ASIP: variants seen among roughly 807,000 people sequenced by gnomAD.
ASIP encodes the protein agouti signaling protein.
A neutral mutation model predicts 10.3 loss-of-function variants in ASIP; 11 were observed. The ratio of observed to expected loss-of-function variants is 1.07; its 90% CI spans 0.68 to 1.78. The LOEUF is 1.78. ASIP is among the 40% of genes most tolerant of loss of function. The pLI is 0.00. For missense variants in ASIP, 180 were observed against 169.2 expected, an observed-to-expected ratio of 1.06 and a Z score of -0.35; for synonymous variants, 70 against 70.8, an observed-to-expected ratio of 0.99 and a Z score of 0.06.
intron 1 of ASIP, among the ~76,000 whole-genome samples, chr20:34,205,191 G>A (rs1290575872): frequency 4.6e-5 from 7 of 152,112 alleles, no homozygotes; most frequent in African/African-American, 7.2e-5. Flanking sequence ...AGATGTGTCC[G>A]GAGTTTCTTC....
In ASIP at chr20:34,258,685, A is replaced by ATATATATATATATATATATG. The variant is rs1336922136; in HGVS notation, c.-10-1674_-10-1673insTATATATATATATGTATATA. ...TAGAAGGGGGATGCCATATATATAT[A>ATATATATATATATATATATG]TATATACATACTATATATATATATT... On this transcript the variant is annotated intron_variant, in intron 1 of 3. Transcript: ENST00000374954. Among the ~76,000 whole-genome samples, 179 of 74,464 alleles carry ATATATATATATATATATATG rather than the reference A, an allele frequency of 2.4e-3. 18 individuals are homozygous for ATATATATATATATATATATG. The highest frequency in any genetic ancestry group is 0.015 in the African/African-American group (170 of 11,580). 48.9% of individuals were successfully genotyped at this position (74,464 alleles called of 152,430 possible). A position where few individuals can be genotyped will look rare whatever the true frequency, so the allele number is the denominator to read the frequency against.
At chr20:34,189,332 T>C in the ASIP span, among the ~76,000 whole-genome samples, 2 of 152,116 alleles carry the variant, frequency 1.3e-5, no homozygotes, top group South Asian at 4.2e-4. Context: ...AACCTCTACC[T>C]CCCGGGTTCA....
At chr20:34,207,983 G>T (rs2122545720) in intron 1 of ASIP, among the ~76,000 whole-genome samples, 1 of 151,950 alleles carries the variant, frequency 6.6e-6, no homozygotes, top group Admixed American at 6.5e-5. Flanking sequence ...TAGAGACCGG[G>T]TTTCACCATG....
Position 34,215,256 on chromosome 20 carries a change from A to G in ASIP, c.-11+20496A>G, listed in dbSNP as rs2034999907. On this transcript the variant is annotated intron_variant, in intron 1 of 3. Transcript: ENST00000568305. ...AAAGGGATAAGTCAATCCAAGAGACATAAGCCCCAACTACTTCAAGGCACT... is the reference window on the plus strand; with the variant it reads ...AAAGGGATAAGTCAATCCAAGAGACGTAAGCCCCAACTACTTCAAGGCACT... The G allele has an allele frequency of 6.4e-6, 10 of 1,554,552 alleles. No individual in the cohort carries two copies. The East Asian group carries it at 6.7e-5, about 10-fold the overall frequency.
chr20:34,212,076 C>T (rs1488114127), intron 1 of ASIP, among the ~76,000 whole-genome samples: 1 of 152,042 alleles, frequency 6.6e-6, no homozygotes, highest in Non-Finnish European at 1.5e-5. Flanking sequence ...TATTTTTCAT[C>T]ATTTTGTAAC....
At chr20:34,214,990 G>A in intron 1 of ASIP, 1 of 1,417,062 alleles carries the variant, frequency 7.1e-7, no homozygotes. Flanking sequence ...TACCGGCTTA[G>A]AAAATCTGGC....
At chr20:34,216,882 A>G (rs1312218300) in intron 1 of ASIP, among the ~76,000 whole-genome samples, 1 of 152,108 alleles carries the variant, frequency 6.6e-6, no homozygotes, top group Non-Finnish European at 1.5e-5. Flanking sequence ...GGTCCTTTGC[A>G]TTTCCATATA....
At chr20:34,222,052 G>A (rs1251557087) in intron 1 of ASIP, among the ~76,000 whole-genome samples, 2 of 152,154 alleles carry the variant, frequency 1.3e-5, no homozygotes, top group Admixed American at 6.5e-5. Context: ...AGAGGCTGCA[G>A]TGAGCCATAA....
chr20:34,196,347 G>GT (rs1164253441), intron 1 of ASIP, among the ~76,000 whole-genome samples: 3 of 151,748 alleles, frequency 2.0e-5, no homozygotes, highest in African/African-American at 7.3e-5. Flanking sequence ...CTAATTTTTT[G>GT]TATTTTTAGT....
intron 1 of ASIP, among the ~76,000 whole-genome samples, chr20:34,217,195 T>G (rs902431277): frequency 1.3e-5 from 2 of 151,970 alleles, no homozygotes; most frequent in Non-Finnish European, 2.9e-5. Flanking sequence ...CCCAACACTT[T>G]GAGAGGCCAA....
Position 34,260,327 on chromosome 20 carries a change from T to C in ASIP, c.-10-38T>C, listed in dbSNP as rs1023634256. On this transcript the variant is annotated intron_variant, in intron 1 of 3. Transcript: ENST00000374954. ...CAGGAAGGCCTCTTACCATTACCCC[T>C]GACCCACCCACCTGACCACCTTCTC... 4.4e-6 allele frequency: 7 copies of C among 1,588,590 alleles called. No individual in the cohort carries two copies. In the Admixed American group the frequency reaches 6.8e-5, roughly 15 times the overall value.
intron 1 of ASIP, among the ~76,000 whole-genome samples, chr20:34,199,863 T>G (rs1326956186): frequency 6.6e-6 from 1 of 152,202 alleles, no homozygotes; most frequent in Non-Finnish European, 1.5e-5. Flanking sequence ...TGCATTAAAT[T>G]TGATTTTTTA....
intron 1 of ASIP, chr20:34,214,942 T>G (rs2034997768): frequency 6.9e-7 from 1 of 1,446,844 alleles, no homozygotes; most frequent in African/African-American, 1.4e-5. Flanking sequence ...CTTAGTTAAT[T>G]TACTCCAACT....
chr20:34,212,371 C>T (rs1397632694), intron 1 of ASIP, among the ~76,000 whole-genome samples: 1 of 152,192 alleles, frequency 6.6e-6, no homozygotes, highest in African/African-American at 2.4e-5. Context: ...CATTCATGCA[C>T]ACACACATTT....
chr20:34,194,830 C>G (rs2034844519), intron 1 of ASIP: 1 of 152,208 alleles, frequency 6.6e-6, no homozygotes, highest in African/African-American at 2.4e-5. Context: ...AGTACAATAT[C>G]TATGCTATAG....
At chr20:34,262,756 C>A in intron 2 of ASIP, 76 bp from the exon 3 acceptor site, 4 of 1,546,040 alleles carry the variant, frequency 2.6e-6, no homozygotes, top group African/African-American at 1.4e-5. Flanking sequence ...CCCAAGCCCC[C>A]TCTGCCCCTC....
chr20:34,222,142 G>T (rs2035051836), intron 1 of ASIP, among the ~76,000 whole-genome samples: 2 of 152,026 alleles, frequency 1.3e-5, no homozygotes, highest in African/African-American at 4.8e-5. Context: ...ATAAAGAAAA[G>T]ATTGACCAGG....
chr20:34,244,922 C>G (rs1043855376), intron 1 of ASIP, among the ~76,000 whole-genome samples: 2 of 152,196 alleles, frequency 1.3e-5, no homozygotes, highest in African/African-American at 4.8e-5. Flanking sequence ...AGACGTATTA[C>G]TGGTTAGGAA....
rs543138295 is a variant in ASIP, at chr20:34,222,625, A to G, written c.-11+27865A>G. Among the ~76,000 whole-genome samples the G allele has an allele frequency of 2.0e-5, 3 of 151,476 alleles. No individual in the cohort carries two copies. The East Asian group carries it at 5.8e-4, about 29-fold the overall frequency. ...CTAAGGTAATGGTAATGCAAAAGTT[A>G]CTCCCTCTCCCTCTCCCTCTCCGTC... is the stretch of plus-strand genomic sequence containing the variant. On this transcript the variant is annotated intron_variant, in intron 1 of 3. Transcript: ENST00000568305.
Sources: gnomAD v4.1 joint callset for allele counts (sites outside exome capture counted in the v4.1 genomes callset) on GRCh38, gnomAD v4.1.1 for gene constraint, MANE v1.5 for transcripts, NCBI Gene and HGNC (gene_info 2026-07-23, HGNC 2026-07-21) for gene names.